Variants in TOX2 observed in about 807,000 individuals in gnomAD.
TOX2 encodes the protein granulosa cell HMG box 1.
TOX2 carries 15 observed loss-of-function variants against 47.4 expected under a neutral mutation model. That is an observed-to-expected ratio of 0.32 (90% CI 0.21 to 0.49). TOX2 has a LOEUF of 0.49. Ranked by LOEUF, TOX2 falls within the 20% of genes least tolerant of loss-of-function variation. TOX2 has a pLI of 0.99. For missense variants in TOX2, 622 were observed against 673.1 expected (o/e 0.92, Z 0.84); for synonymous variants, 290 against 296.6 (o/e 0.98, Z 0.23).
At chr20:43,991,769 G>A (rs2070373418) in intron 2 of TOX2, among the ~76,000 whole-genome samples, 1 of 151,856 alleles carries the variant, frequency 6.6e-6, no homozygotes, top group African/African-American at 2.4e-5. Flanking sequence ...TCAGCCTCCT[G>A]AGTAGCTGGG....
intron 1 of TOX2, among the ~76,000 whole-genome samples, chr20:43,958,535 C>A (rs1220013395): frequency 6.6e-6 from 1 of 152,242 alleles, no homozygotes; most frequent in Non-Finnish European, 1.5e-5. Flanking sequence ...TATCACCCCC[C>A]TCCAGGTGCC....
intron 3 of TOX2, among the ~76,000 whole-genome samples, chr20:44,018,235 C>T (rs954219923): frequency 1.3e-5 from 2 of 152,184 alleles, no homozygotes; most frequent in Admixed American, 6.5e-5. Context: ...TATGGTTGCT[C>T]AGCTGCCCTC....
chr20:44,052,982 C>T (rs975312374), intron 4 of TOX2, among the ~76,000 whole-genome samples: 5 of 152,204 alleles, frequency 3.3e-5, no homozygotes, highest in Non-Finnish European at 7.3e-5. Context: ...AGGAACAGAA[C>T]CATGTCCTTC....
chr20:43,917,249 T>G (rs1485358203), intron 1 of TOX2, among the ~76,000 whole-genome samples: 1 of 151,980 alleles, frequency 6.6e-6, no homozygotes, highest in Non-Finnish European at 1.5e-5. Flanking sequence ...GGGCATGGCC[T>G]TAGTGGTGGT....
chr20:43,956,515 C>A (rs2069671142), intron 1 of TOX2, among the ~76,000 whole-genome samples: 1 of 145,046 alleles, frequency 6.9e-6, no homozygotes, highest in Non-Finnish European at 1.5e-5. Context: ...GAGCTGAGAT[C>A]ATGCCACTGC....
chr20:44,056,180 G>C (rs190573467), intron 5 of TOX2, among the ~76,000 whole-genome samples: 1 of 152,302 alleles, frequency 6.6e-6, no homozygotes, highest in African/African-American at 2.4e-5. Flanking sequence ...CTGCTCCAGG[G>C]GACATTACTT....
chr20:44,014,966 C>T (rs1237532511), intron 3 of TOX2, among the ~76,000 whole-genome samples: 1 of 152,128 alleles, frequency 6.6e-6, no homozygotes, highest in Non-Finnish European at 1.5e-5. Context: ...CCACTGCTTG[C>T]CAAGAAAGCG....
intron 3 of TOX2, among the ~76,000 whole-genome samples, chr20:44,034,716 TCTC>T (rs778623866): frequency 7.9e-5 from 12 of 152,202 alleles, no homozygotes; most frequent in Non-Finnish European, 2.9e-5. Context: ...GACCTCTGCT[TCTC>T]CTTCCAGGAC....
At chr20:44,033,581 C>T (rs1194159254) in intron 3 of TOX2, among the ~76,000 whole-genome samples, 3 of 151,954 alleles carry the variant, frequency 2.0e-5, no homozygotes, top group Non-Finnish European at 4.4e-5. Flanking sequence ...GATGGGAGGG[C>T]CCAACAGACA....
chr20:43,978,857 A>G (rs996515871), intron 2 of TOX2, among the ~76,000 whole-genome samples: 1 of 151,982 alleles, frequency 6.6e-6, no homozygotes, highest in African/African-American at 2.4e-5. Flanking sequence ...AAAGCTCTCA[A>G]TGACAAGAAT....
At chr20:43,984,863 A>C (rs2070237715) in intron 2 of TOX2, among the ~76,000 whole-genome samples, 1 of 152,124 alleles carries the variant, frequency 6.6e-6, no homozygotes, top group Non-Finnish European at 1.5e-5. Context: ...TGGGGTGGAC[A>C]CGTGATTTCA....
intron 3 of TOX2, among the ~76,000 whole-genome samples, chr20:44,033,154 A>G (rs141551210): frequency 2.0e-5 from 3 of 152,344 alleles, no homozygotes; most frequent in Non-Finnish European, 4.4e-5. Context: ...ATGAAAGTGT[A>G]TTAGCAATAC....
intron 2 of TOX2, among the ~76,000 whole-genome samples, chr20:44,003,948 C>T (rs1057219103): frequency 3.3e-5 from 5 of 152,170 alleles, no homozygotes; most frequent in African/African-American, 1.2e-4. Context: ...ATCATCTTGA[C>T]AGAGACCAGT....
intron 1 of TOX2, among the ~76,000 whole-genome samples, chr20:43,919,545 T>G (rs2069091310): frequency 6.6e-6 from 1 of 152,194 alleles, no homozygotes. Context: ...AGGATACATG[T>G]GCAGGATGTG....
chr20:43,919,901 A>G (rs1386036288), intron 1 of TOX2, among the ~76,000 whole-genome samples: 1 of 152,254 alleles, frequency 6.6e-6, no homozygotes, highest in Non-Finnish European at 1.5e-5. Context: ...TGTGTACCAC[A>G]TTCTCTTTAT....
intron 1 of TOX2, among the ~76,000 whole-genome samples, chr20:43,931,233 G>T (rs911155390): frequency 1.6e-4 from 25 of 152,096 alleles, no homozygotes; most frequent in Non-Finnish European, 2.5e-4. Flanking sequence ...CGACCTCCTG[G>T]GCTCAAGCGA....
intron 3 of TOX2, among the ~76,000 whole-genome samples, chr20:44,018,734 A>G (rs995318893): frequency 1.3e-5 from 2 of 152,208 alleles, no homozygotes; most frequent in African/African-American, 4.8e-5. Context: ...TTAAAGCTCC[A>G]GGAGAGAGTG....
At chr20:44,057,764 T>C (rs1223683998) in intron 5 of TOX2, among the ~76,000 whole-genome samples, 1 of 152,264 alleles carries the variant, frequency 6.6e-6, no homozygotes, top group Non-Finnish European at 1.5e-5. Context: ...CCATGAACTG[T>C]GCTGGGCTCA....
intron 3 of TOX2, among the ~76,000 whole-genome samples, chr20:44,015,359 G>T (rs1334353398): frequency 6.6e-6 from 1 of 152,126 alleles, no homozygotes. Flanking sequence ...GCAGGGGACC[G>T]CTCCGTTTTC....
Sources: gnomAD v4.1 joint callset for allele counts (sites outside exome capture counted in the v4.1 genomes callset) on GRCh38, gnomAD v4.1.1 for gene constraint, MANE v1.5 for transcripts, NCBI Gene and HGNC (gene_info 2026-07-23, HGNC 2026-07-21) for gene names.